Variants in SLC35A2 observed in about 807,000 individuals in gnomAD.
SLC35A2 encodes UDP-galactose translocator.
SLC35A2 carries 1 observed loss-of-function variant against 17.3 expected under a neutral mutation model. The ratio of observed to expected loss-of-function variants is 0.06; its 90% CI spans 0.02 to 0.27. The LOEUF (loss-of-function observed/expected upper bound fraction) is 0.27, where lower values mean the gene tolerates loss of function less well. Among genes scored for constraint, SLC35A2 ranks in the 10% least tolerant of loss-of-function variants. The probability of loss-of-function intolerance (pLI) is 1.00; values close to 1 mark genes in which losing one functional copy is unlikely to be tolerated. For synonymous variants in SLC35A2, 161 were observed against 161.3 expected (o/e 1.00, Z 0.01); for missense variants, 191 against 339.3 (o/e 0.56, Z 3.43).
At chrX:48,907,838 G>A (rs782101811) in intron 2 of SLC35A2, among the ~76,000 whole-genome samples, 10 of 110,386 alleles carry the variant, frequency 9.1e-5, no homozygotes, top group East Asian at 8.8e-4. Flanking sequence ...GCTGGCCAAC[G>A]TGGTGAAACC....
At chrX:48,910,333 T>G in intron 1 of SLC35A2, 1 of 1,062,494 alleles carries the variant, frequency 9.4e-7, no homozygotes, top group Non-Finnish European at 1.2e-6. Flanking sequence ...CCAGAAAGAA[T>G]ACCGACAACT....
At chrX:48,906,592 G>A in intron 2 of SLC35A2, 49 bp from the exon 3 acceptor site, 2 of 1,158,313 alleles carry the variant, frequency 1.7e-6, no homozygotes, top group South Asian at 1.8e-5. Context: ...CCATACATGG[G>A]GAACCCCTGA....
At chrX:48,904,457 C>A in intron 4 of SLC35A2, 1 of 1,097,293 alleles carries the variant, frequency 9.1e-7, no homozygotes, top group Non-Finnish European at 1.2e-6. Flanking sequence ...TGACAATACC[C>A]CCAACCCTGC....
chrX:48,907,946 C>T (rs1259549995), intron 2 of SLC35A2, among the ~76,000 whole-genome samples: 2 of 109,193 alleles, frequency 1.8e-5, no homozygotes, highest in Non-Finnish European at 3.8e-5. Flanking sequence ...CTTTTGAACC[C>T]GGGAGGCGGA....
intron 3 of SLC35A2, chrX:48,906,041 G>A (rs1009163257): frequency 5.1e-6 from 2 of 390,017 alleles, no homozygotes; most frequent in Non-Finnish European, 8.8e-6. Flanking sequence ...AAATCACACA[G>A]CTGGAAGGTA....
Position 48,907,626 on chromosome X carries a change from G to A in SLC35A2, c.275-1083C>T, listed in dbSNP as rs138370320. 6.7e-3 allele frequency among the ~76,000 whole-genome samples: 754 copies of A among 112,396 alleles called. 2 individuals are homozygous for A. The highest frequency in any genetic ancestry group is 0.01 in the Non-Finnish European group (533 of 53,224). ...GGGCAGGGGCCATCTCCCCCTTGTT[G>A]CATCTTTCTGTCAGCCCTAGACACA... is the stretch of plus-strand genomic sequence containing the variant. On this transcript the variant is annotated intron_variant, in intron 2 of 4. Coordinates refer to ENST00000247138, the MANE Select transcript of SLC35A2 (RefSeq NM_005660.3).
At chrX:48,907,499 G>A (rs2063499699) in intron 2 of SLC35A2, among the ~76,000 whole-genome samples, 2 of 111,151 alleles carry the variant, frequency 1.8e-5, no homozygotes, top group Non-Finnish European at 1.9e-5. Flanking sequence ...CGCCTACCTC[G>A]GCCTCCCAAA....
intron 2 of SLC35A2, among the ~76,000 whole-genome samples, chrX:48,909,218 C>A (rs11797340): frequency 8.9e-6 from 1 of 112,173 alleles, no homozygotes; most frequent in African/African-American, 3.2e-5. Context: ...GTCAGGAGTT[C>A]GAGACCATCC....
Position 48,905,219 on chromosome X carries a change from G to A in SLC35A2, c.690C>T (p.Ser230=), listed in dbSNP as rs782261723. ...CCAGTTGCAGGTTGCGCAGCCACAC[G>A]GAGCCTGAGCTGCCTTTGAGGATCT... is the stretch of plus-strand genomic sequence containing the variant. The part of the protein sequence containing the change: ...FEKILKGSSG[S]VWLRNLQLGL... Residue 230 remains serine (S), a synonymous_variant, in exon 4 of 5, where the codon TCC becomes TCT. Coordinates refer to ENST00000247138, the MANE Select transcript of SLC35A2 (RefSeq NM_005660.3). The A allele has an allele frequency of 5.8e-6, 7 of 1,207,300 alleles. No homozygotes were observed. The highest frequency in any genetic ancestry group is 2.3e-4 in the Middle Eastern group (1 of 4,347).
intron 1 of SLC35A2, among the ~76,000 whole-genome samples, chrX:48,911,093 C>A (rs937777534): frequency 7.2e-5 from 8 of 110,736 alleles, no homozygotes; most frequent in Non-Finnish European, 1.5e-4. Context: ...ATGAAAGACA[C>A]CCCCATCCTC....
intron 3 of SLC35A2, chrX:48,905,975 G>C (rs1244876746): frequency 3.0e-6 from 1 of 329,282 alleles, no homozygotes; most frequent in Non-Finnish European, 5.2e-6. Context: ...ACCACTGTAA[G>C]CCCCAATTTA....
chrX:48,905,480 C>T lies in SLC35A2; in HGVS notation c.429G>A (p.Val143=), dbSNP rs782086267. The T allele has an allele frequency of 3.2e-5, 36 of 1,141,610 alleles. No individual in the cohort carries two copies. The South Asian group carries it at 6.7e-4, about 21-fold the overall frequency. The allele number at this position is 1,141,610 out of a possible 1,213,427, so 94.1% of individuals were successfully genotyped here. ...ISNLPAATFQ[V]TYQLKILTTA... ...TGGTCAGGATCTTCAGCTGGTATGT[C>T]ACCTGCGAGTGGCACGTGGAAGGCA... Residue 143 remains valine, a splice_region_variant and synonymous_variant, in exon 4 of 5, where the codon GTG becomes GTA. Coordinates refer to ENST00000247138, the MANE Select transcript of SLC35A2 (RefSeq NM_005660.3).
intron 2 of SLC35A2, among the ~76,000 whole-genome samples, chrX:48,909,226 T>C (rs1388075353): frequency 8.9e-6 from 1 of 112,270 alleles, no homozygotes; most frequent in East Asian, 2.8e-4. Context: ...TTCGAGACCA[T>C]CCTGGCTAAC....
chrX:48,906,907 C>T, intron 2 of SLC35A2, among the ~76,000 whole-genome samples: 1 of 112,179 alleles, frequency 8.9e-6, no homozygotes, highest in East Asian at 2.8e-4. Context: ...CCGTGGCTCA[C>T]GCCTGTAATC....
At chrX:48,907,125 T>C (rs1602341223) in intron 2 of SLC35A2, among the ~76,000 whole-genome samples, 1 of 98,854 alleles carries the variant, frequency 1.0e-5, no homozygotes, top group South Asian at 4.9e-4. Flanking sequence ...GCTGAGACCA[T>C]GCCATTGCAC....
chrX:48,911,101 C>T lies in SLC35A2; in HGVS notation c.91+445G>A, dbSNP rs1261766949. 4.5e-5 allele frequency among the ~76,000 whole-genome samples: 5 copies of T among 110,822 alleles called. No homozygotes were observed. The Admixed American group carries it at 4.8e-4, about 11-fold the overall frequency. On this transcript the variant is annotated intron_variant, in intron 1 of 4. Coordinates refer to ENST00000247138, the MANE Select transcript of SLC35A2 (RefSeq NM_005660.3). ...GCACATAATGAAAGACACCCCCATCCTCAAAATGGACCCTCTCTAGTCACA... is the reference window on the plus strand; with the variant it reads ...GCACATAATGAAAGACACCCCCATCTTCAAAATGGACCCTCTCTAGTCACA...
chrX:48,904,369 G>A (rs1557042455), intron 4 of SLC35A2: 1 of 1,071,012 alleles, frequency 9.3e-7, no homozygotes, highest in Non-Finnish European at 1.2e-6. Flanking sequence ...GGACTGCTGG[G>A]AGGGACTCTC....
intron 2 of SLC35A2, among the ~76,000 whole-genome samples, chrX:48,909,145 C>T (rs2063512876): frequency 8.9e-6 from 1 of 112,289 alleles, no homozygotes; most frequent in Non-Finnish European, 1.9e-5. Flanking sequence ...CAAACAAGGC[C>T]AGCCTGGTGG....
rs782182600 is a variant in SLC35A2, at chrX:48,911,537, C to G, written c.91+9G>C. 16 of 1,159,555 alleles carry G rather than the reference C, an allele frequency of 1.4e-5. No individual in the cohort carries two copies. In the East Asian group the frequency reaches 5.2e-4, roughly 38 times the overall value. ...CCTCCCATGCGACTGCTCGGGCAGA[C>G]TGTCTCACCCGCACTGGCGGTCCCC... On this transcript the variant is annotated intron_variant, in intron 1 of 4. Coordinates refer to ENST00000247138, the MANE Select transcript of SLC35A2 (RefSeq NM_005660.3).
Sources: allele counts gnomAD v4.1 joint callset (sites outside exome capture counted in the v4.1 genomes callset), GRCh38; gene constraint gnomAD v4.1.1; transcripts MANE v1.5; gene names NCBI Gene and HGNC (gene_info 2026-07-23, HGNC 2026-07-21).